AKAP19: variants seen among roughly 807,000 people sequenced by gnomAD.
AKAP19 encodes A-kinase anchoring protein 19.
At chr2:190,029,231 T>C in the AKAP19 span, among the ~76,000 whole-genome samples, 1 of 152,014 alleles carries the variant, frequency 6.6e-6, no homozygotes, top group Non-Finnish European at 1.5e-5. Context: ...TTTGTATTTT[T>C]AGTAGAGATG....
At chr2:190,037,685 A>T in the AKAP19 span, among the ~76,000 whole-genome samples, 1 of 152,246 alleles carries the variant, frequency 6.6e-6, no homozygotes, top group African/African-American at 2.4e-5. Flanking sequence ...CTCTTAAGCC[A>T]GAGTCAAGCT....
the AKAP19 span, among the ~76,000 whole-genome samples, chr2:190,083,261 C>T: frequency 6.6e-6 from 1 of 152,086 alleles, no homozygotes; most frequent in Non-Finnish European, 1.5e-5. Flanking sequence ...CACCTGTAGT[C>T]CCAACTATTT....
chr2:190,083,754 TG>T, the AKAP19 span, among the ~76,000 whole-genome samples: 1 of 152,056 alleles, frequency 6.6e-6, no homozygotes, highest in Non-Finnish European at 1.5e-5. Flanking sequence ...CTTCAAGAGG[TG>T]ATGAGCTCAA....
the AKAP19 span, among the ~76,000 whole-genome samples, chr2:189,889,239 T>C: frequency 6.6e-6 from 1 of 152,216 alleles, no homozygotes; most frequent in Non-Finnish European, 1.5e-5. Context: ...ATTACGTTTA[T>C]TGATTTATAT....
the AKAP19 span, among the ~76,000 whole-genome samples, chr2:190,167,220 CA>C: frequency 6.6e-6 from 1 of 152,078 alleles, no homozygotes; most frequent in East Asian, 1.9e-4. Context: ...TTGTGGCAGA[CA>C]AGAGAAAAGA....
At chr2:190,132,191 G>C in the AKAP19 span, among the ~76,000 whole-genome samples, 1 of 152,098 alleles carries the variant, frequency 6.6e-6, no homozygotes, top group African/African-American at 2.4e-5. Flanking sequence ...TGGATTAGGA[G>C]AACTGATATT....
chr2:189,911,881 A>G, the AKAP19 span, among the ~76,000 whole-genome samples: 3 of 150,504 alleles, frequency 2.0e-5, no homozygotes, highest in Admixed American at 6.6e-5. Context: ...GTTTTTTTCT[A>G]CTCCTAGTTT....
chr2:190,050,353 A>T, the AKAP19 span, among the ~76,000 whole-genome samples: 2 of 152,158 alleles, frequency 1.3e-5, no homozygotes, highest in East Asian at 3.8e-4. Context: ...AATAAGTTAG[A>T]TTGCCCTTCA....
the AKAP19 span, among the ~76,000 whole-genome samples, chr2:190,126,782 G>A: frequency 6.6e-6 from 1 of 151,874 alleles, no homozygotes; most frequent in African/African-American, 2.4e-5. Flanking sequence ...AAAAAACAAA[G>A]TGAAGATGGT....
At chr2:190,062,134 T>A in the AKAP19 span, 1 of 901,226 alleles carries the variant, frequency 1.1e-6, no homozygotes, top group Admixed American at 2.9e-5. Flanking sequence ...CAACAGCTTG[T>A]TTAAAAGAGC....
chr2:190,015,136 C>T, the AKAP19 span, among the ~76,000 whole-genome samples: 1 of 152,144 alleles, frequency 6.6e-6, no homozygotes, highest in Non-Finnish European at 1.5e-5. Flanking sequence ...CTAGGCAGGG[C>T]CCCAGTGAGG....
the AKAP19 span, among the ~76,000 whole-genome samples, chr2:190,004,921 G>A: frequency 3.3e-5 from 5 of 152,138 alleles, no homozygotes; most frequent in Admixed American, 6.6e-5. Context: ...TACTGTGTCC[G>A]CAATTCATTC....
At chr2:189,969,728 CAAA>C in the AKAP19 span, among the ~76,000 whole-genome samples, 5 of 49,444 alleles carry the variant, frequency 1.0e-4, no homozygotes, top group Admixed American at 2.2e-4. Context: ...GACTCCATCT[CAAA>C]AAAAAAAAAA....
chr2:189,884,270 T>A, the AKAP19 span, among the ~76,000 whole-genome samples: 2 of 152,158 alleles, frequency 1.3e-5, no homozygotes, highest in African/African-American at 4.8e-5. Context: ...CTTTAGACAC[T>A]GGTAAATTAC....
At chr2:190,182,352 G>A in the AKAP19 span, among the ~76,000 whole-genome samples, 1 of 152,130 alleles carries the variant, frequency 6.6e-6, no homozygotes, top group African/African-American at 2.4e-5. Context: ...TCTGAAAAGG[G>A]TCCATGACCC....
At chr2:190,176,926 C>G in the AKAP19 span, among the ~76,000 whole-genome samples, 4 of 152,162 alleles carry the variant, frequency 2.6e-5, no homozygotes, top group Admixed American at 6.5e-5. This position sits in a 1 kb window ranked among gnomAD's most constrained non-coding sequence, Gnocchi z 4.7. Flanking sequence ...CACACAAAAA[C>G]TAGCACATAA....
chr2:190,181,346 G>A, the AKAP19 span: 2 of 169,974 alleles, frequency 1.2e-5, no homozygotes, highest in Admixed American at 1.3e-4. Context: ...CCAGTGAAAG[G>A]TATCTCATTA....
At chr2:190,003,602 G>A in the AKAP19 span, among the ~76,000 whole-genome samples, 2 of 151,954 alleles carry the variant, frequency 1.3e-5, no homozygotes, top group Admixed American at 1.3e-4. Flanking sequence ...GGTGGCTCAC[G>A]CCTGTAATTC....
At chr2:189,924,344 G>A in the AKAP19 span, 4 of 885,204 alleles carry the variant, frequency 4.5e-6, no homozygotes, top group South Asian at 4.6e-5. Flanking sequence ...CCCCATCCTT[G>A]TCCTTCCCAT....
Sources: allele counts gnomAD v4.1 joint callset (sites outside exome capture counted in the v4.1 genomes callset), GRCh38; gene constraint gnomAD v4.1.1; non-coding constraint Gnocchi (gnomAD v3.1); transcripts MANE v1.5; gene names NCBI Gene and HGNC (gene_info 2026-07-23, HGNC 2026-07-21).